The following PPARGC1A variants were observed in gnomAD, a reference collection of about 807,000 sequenced individuals.
The protein encoded by PPARGC1A is PPARG coactivator 1 alpha, also known as peroxisome proliferator-activated receptor gamma coactivator 1-alpha.
PPARGC1A carries 25 observed loss-of-function variants against 88.7 expected under a neutral mutation model. The observed-to-expected ratio is 0.28, with a 90% confidence interval of 0.21 to 0.39. The LOEUF (loss-of-function observed/expected upper bound fraction) is 0.39. Ranked by LOEUF, PPARGC1A falls within the 10% of genes least tolerant of loss-of-function variation. The pLI, the probability that PPARGC1A is intolerant of heterozygous loss-of-function variation, is 1.00. For missense variants in PPARGC1A, 880 were observed against 968.7 expected (o/e 0.91, Z 1.22); for synonymous variants, 363 against 355.6 (o/e 1.02, Z -0.24).
the PPARGC1A span, among the ~76,000 whole-genome samples, chr4:24,357,537 T>C: frequency 6.6e-6 from 1 of 152,370 alleles, no homozygotes; most frequent in South Asian, 2.1e-4. Flanking sequence ...GGTTGAAGGC[T>C]CTACAAGGCA....
At chr4:23,907,930 G>A (rs1357666726), upstream of PPARGC1A, among the ~76,000 whole-genome samples, 1 of 152,186 alleles carries the variant, frequency 6.6e-6, no homozygotes, top group Admixed American at 6.5e-5. Context: ...GGTGCCTTGC[G>A]CACATGGAGA....
the PPARGC1A span, among the ~76,000 whole-genome samples, chr4:24,186,974 A>G: frequency 6.6e-6 from 1 of 152,236 alleles, no homozygotes; most frequent in African/African-American, 2.4e-5. Flanking sequence ...CCTTAAATAC[A>G]GTTTTTTAAA....
At chr4:23,954,490 A>T in the PPARGC1A span, among the ~76,000 whole-genome samples, 1 of 152,044 alleles carries the variant, frequency 6.6e-6, no homozygotes, top group Non-Finnish European at 1.5e-5. Context: ...TTCCAGAAAA[A>T]GCTCACATTT....
chr4:24,307,175 T>G, the PPARGC1A span, among the ~76,000 whole-genome samples: 1 of 152,166 alleles, frequency 6.6e-6, no homozygotes, highest in African/African-American at 2.4e-5. Flanking sequence ...GCAGTGGTCC[T>G]GCAATACATA....
the PPARGC1A span, among the ~76,000 whole-genome samples, chr4:24,113,044 A>G: frequency 3.9e-5 from 6 of 152,264 alleles, no homozygotes; most frequent in African/African-American, 1.4e-4. Flanking sequence ...ATTTTATTCC[A>G]GAAAACTTCC....
chr4:23,904,695 G>A (rs2148888783), upstream of PPARGC1A, among the ~76,000 whole-genome samples: 1 of 152,216 alleles, frequency 6.6e-6, no homozygotes, highest in South Asian at 2.1e-4. Context: ...AAAATCACAT[G>A]CACAGAGCAG....
the PPARGC1A span, among the ~76,000 whole-genome samples, chr4:24,124,421 A>G: frequency 6.6e-6 from 1 of 152,204 alleles, no homozygotes; most frequent in Non-Finnish European, 1.5e-5. Context: ...ATTCAATGGT[A>G]CTCATCATAC....
At chr4:24,072,133 TA>T in the PPARGC1A span, among the ~76,000 whole-genome samples, 2 of 147,530 alleles carry the variant, frequency 1.4e-5, no homozygotes, top group Admixed American at 1.4e-4. Flanking sequence ...TATATATTTA[TA>T]ATTTTTTATT....
At chr4:24,162,343 C>T in the PPARGC1A span, among the ~76,000 whole-genome samples, 448 of 152,166 alleles carry the variant, frequency 2.9e-3, 3 homozygotes, top group African/African-American at 1.0e-2. Context: ...CAAACACAAC[C>T]TGTTCCCCAA....
chr4:24,368,592 A>G, the PPARGC1A span, among the ~76,000 whole-genome samples: 1 of 152,122 alleles, frequency 6.6e-6, no homozygotes, highest in Non-Finnish European at 1.5e-5. Context: ...TCCCTGAACA[A>G]GGGCTTTTAA....
At chr4:23,815,853 G>C (rs1721884480) in intron 7 of PPARGC1A, among the ~76,000 whole-genome samples, 1 of 152,054 alleles carries the variant, frequency 6.6e-6, no homozygotes, top group Admixed American at 6.6e-5. Flanking sequence ...CCTGGGGTTA[G>C]ACTTAAGGCA....
chr4:24,433,747 A>G, the PPARGC1A span, among the ~76,000 whole-genome samples: 1 of 152,102 alleles, frequency 6.6e-6, no homozygotes, highest in African/African-American at 2.4e-5. Context: ...TAGGCCCCCT[A>G]TACTTTTTAA....
At chr4:23,999,088 A>G in the PPARGC1A span, among the ~76,000 whole-genome samples, 1 of 152,232 alleles carries the variant, frequency 6.6e-6, no homozygotes, top group African/African-American at 2.4e-5. Context: ...GGCTGGTTAC[A>G]GACAACAAAG....
chr4:23,910,325 T>TATTATATATTATATATATCATATATTA, the PPARGC1A span, among the ~76,000 whole-genome samples: 1 of 45,230 alleles, frequency 2.2e-5, no homozygotes, highest in Non-Finnish European at 3.4e-5. Flanking sequence ...ATTATATATA[T>TATTATATATTATATATATCATATATTA]TATATATTAT....
chr4:23,990,508 A>C, the PPARGC1A span, among the ~76,000 whole-genome samples: 4 of 152,054 alleles, frequency 2.6e-5, no homozygotes, highest in African/African-American at 9.7e-5. Flanking sequence ...AAATTGCCAC[A>C]TGCTTCCATG....
the PPARGC1A span, among the ~76,000 whole-genome samples, chr4:23,938,112 A>C: frequency 2.0e-5 from 3 of 152,266 alleles, no homozygotes; most frequent in African/African-American, 7.2e-5. Flanking sequence ...GAGACTAAAA[A>C]AAAAAGTGCA....
the PPARGC1A span, among the ~76,000 whole-genome samples, chr4:24,293,639 C>A: frequency 7.5e-6 from 1 of 132,676 alleles, no homozygotes. Context: ...ACCCCTACCC[C>A]TGCCTGTGTT....
At chr4:24,122,436 T>TATATAGAG in the PPARGC1A span, among the ~76,000 whole-genome samples, 3 of 124,246 alleles carry the variant, frequency 2.4e-5, no homozygotes, top group African/African-American at 6.3e-5. Flanking sequence ...TATATATATA[T>TATATAGAG]AGAGAGAGAG....
chr4:24,189,855 C>T, the PPARGC1A span, among the ~76,000 whole-genome samples: 1 of 152,108 alleles, frequency 6.6e-6, no homozygotes, highest in Non-Finnish European at 1.5e-5. Context: ...AGCTCCCCAC[C>T]AAAGAATTCC....
Sources: gnomAD v4.1 joint callset for allele counts (sites outside exome capture counted in the v4.1 genomes callset) on GRCh38, gnomAD v4.1.1 for gene constraint, MANE v1.5 for transcripts, NCBI Gene and HGNC (gene_info 2026-07-23, HGNC 2026-07-21) for gene names.